Variants in KCNN2 observed in about 807,000 individuals in gnomAD.
KCNN2 encodes small conductance calcium-activated potassium channel protein 2.
A neutral mutation model predicts 55.5 loss-of-function variants in KCNN2; 24 were observed. The ratio of observed to expected loss-of-function variants is 0.43; its 90% CI spans 0.31 to 0.61. The LOEUF (loss-of-function observed/expected upper bound fraction) is 0.61. KCNN2 is among the 20% of genes least tolerant of loss of function. KCNN2 has a pLI of 0.08. For synonymous variants in KCNN2, 431 were observed against 336.1 expected (o/e 1.28, Z -3.09); for missense variants, 754 against 853.6 (o/e 0.88, Z 1.45).
At chr5:114,346,492 G>T (rs920071482) in intron 2 of KCNN2, among the ~76,000 whole-genome samples, 1 of 152,096 alleles carries the variant, frequency 6.6e-6, no homozygotes, top group Non-Finnish European at 1.5e-5. Context: ...AGTAATGAGG[G>T]CCAGATGTTT....
intron 1 of KCNN2, among the ~76,000 whole-genome samples, chr5:114,220,180 C>T (rs902578156): frequency 7.2e-5 from 11 of 152,204 alleles, no homozygotes; most frequent in South Asian, 4.1e-4. Flanking sequence ...TATAACATAT[C>T]TTAGGACCTC....
At chr5:114,241,816 ATATGTGTG>A (rs1346411361) in intron 2 of KCNN2, among the ~76,000 whole-genome samples, 5,478 of 33,594 alleles carry the variant, frequency 0.16, 1,665 homozygotes, top group East Asian at 0.58. Context: ...GTATATATAT[ATATGTGTG>A]TATATATATA....
intron 1 of KCNN2, among the ~76,000 whole-genome samples, chr5:114,077,620 G>T (rs546742507): frequency 6.6e-6 from 1 of 152,194 alleles, no homozygotes; most frequent in East Asian, 1.9e-4. Context: ...TCACACTTCA[G>T]TATGATATTA....
intron 2 of KCNN2, among the ~76,000 whole-genome samples, chr5:114,292,148 T>A (rs1156421830): frequency 6.6e-6 from 1 of 152,242 alleles, no homozygotes; most frequent in African/African-American, 2.4e-5. Flanking sequence ...GGTTGCCTGT[T>A]CACTCTGATG....
chr5:114,272,413 CTACACACATATGTACGTACATAT>C (rs1755367445), intron 2 of KCNN2, among the ~76,000 whole-genome samples: 2 of 23,286 alleles, frequency 8.6e-5, no homozygotes, highest in Non-Finnish European at 3.2e-4. Flanking sequence ...ATGTACATAT[CTACACACATATGTACGTACATAT>C]CATATACACA....
intron 1 of KCNN2, among the ~76,000 whole-genome samples, chr5:114,131,266 C>A (rs1311653457): frequency 6.6e-6 from 1 of 152,114 alleles, no homozygotes; most frequent in Non-Finnish European, 1.5e-5. Flanking sequence ...AGCTGGTTTT[C>A]CTGATGCTCT....
chr5:114,057,612 C>T (rs929130819), intron 1 of KCNN2, among the ~76,000 whole-genome samples: 14 of 152,236 alleles, frequency 9.2e-5, no homozygotes, highest in African/African-American at 3.1e-4. Context: ...GACTATGTAT[C>T]AATAAACAAA....
intron 2 of KCNN2, among the ~76,000 whole-genome samples, chr5:114,264,684 A>G (rs1325251203): frequency 2.6e-5 from 4 of 152,194 alleles, no homozygotes; most frequent in Admixed American, 1.3e-4. Flanking sequence ...ATTCTAAGCA[A>G]ACTGTAAAGA....
chr5:114,213,299 G>A (rs941172937), intron 1 of KCNN2, among the ~76,000 whole-genome samples: 1 of 151,736 alleles, frequency 6.6e-6, no homozygotes, highest in Non-Finnish European at 1.5e-5. Flanking sequence ...TCAATTTGGG[G>A]AATTCAAAGA....
intron 1 of KCNN2, among the ~76,000 whole-genome samples, chr5:114,126,762 A>C (rs1751940605): frequency 6.6e-6 from 1 of 152,218 alleles, no homozygotes; most frequent in Admixed American, 6.5e-5. Context: ...CCAAAGTCTC[A>C]TCTGAGACAA....
intron 3 of KCNN2, among the ~76,000 whole-genome samples, chr5:114,415,556 T>C (rs1295944221): frequency 6.6e-6 from 1 of 152,212 alleles, no homozygotes. Flanking sequence ...GGTCTTAATA[T>C]ACGTTTATTT....
intron 2 of KCNN2, among the ~76,000 whole-genome samples, chr5:114,258,019 A>T (rs900478801): frequency 6.6e-6 from 1 of 152,024 alleles, no homozygotes; most frequent in African/African-American, 2.4e-5. Flanking sequence ...TGTTTCTTTT[A>T]TGCCTAGTTT....
At chr5:114,223,322 T>C (rs1392732282) in intron 2 of KCNN2, among the ~76,000 whole-genome samples, 3 of 152,208 alleles carry the variant, frequency 2.0e-5, no homozygotes, top group Non-Finnish European at 2.9e-5. Context: ...AAAAACTTGT[T>C]TGGAGAAAAA....
chr5:114,148,197 T>C (rs1752444039), intron 1 of KCNN2, among the ~76,000 whole-genome samples: 1 of 152,092 alleles, frequency 6.6e-6, no homozygotes, highest in Non-Finnish European at 1.5e-5. Context: ...ATGAAAAAAG[T>C]AGTCCTTAAG....
intron 1 of KCNN2, among the ~76,000 whole-genome samples, chr5:114,198,601 C>A (rs993107613): frequency 6.6e-6 from 1 of 151,946 alleles, no homozygotes; most frequent in Non-Finnish European, 1.5e-5. Flanking sequence ...TACATGATTT[C>A]TTTCCCTCTG....
intron 1 of KCNN2, among the ~76,000 whole-genome samples, chr5:114,171,251 T>C (rs1393820330): frequency 6.6e-6 from 1 of 151,996 alleles, no homozygotes; most frequent in Non-Finnish European, 1.5e-5. Context: ...ACATTAGATA[T>C]TAAAAAATAA....
At chr5:114,442,463 G>T (rs1760253748) in intron 3 of KCNN2, among the ~76,000 whole-genome samples, 1 of 152,014 alleles carries the variant, frequency 6.6e-6, no homozygotes, top group Non-Finnish European at 1.5e-5. Context: ...TTACCTATGT[G>T]GGGTGAACTT....
chr5:114,387,764 G>C (rs1218751041), intron 2 of KCNN2, among the ~76,000 whole-genome samples: 1 of 152,152 alleles, frequency 6.6e-6, no homozygotes, highest in Non-Finnish European at 1.5e-5. Context: ...AGCTCTGAGG[G>C]AGACTCAGAG....
intron 2 of KCNN2, among the ~76,000 whole-genome samples, chr5:114,333,126 T>C (rs1756855637): frequency 6.6e-6 from 1 of 152,192 alleles, no homozygotes; most frequent in Non-Finnish European, 1.5e-5. Flanking sequence ...AATGTTGATA[T>C]AGAGCACATG....
Sources: allele counts gnomAD v4.1 joint callset (sites outside exome capture counted in the v4.1 genomes callset), GRCh38; gene constraint gnomAD v4.1.1; transcripts MANE v1.5; gene names NCBI Gene and HGNC (gene_info 2026-07-23, HGNC 2026-07-21).